MELK: variants seen among roughly 807,000 people sequenced by gnomAD.
MELK encodes the protein maternal embryonic leucine zipper kinase.
Under a neutral mutation model 85.0 loss-of-function variants are expected in MELK, and 81 were observed. The ratio of observed to expected loss-of-function variants is 0.95; its 90% CI spans 0.80 to 1.15. The LOEUF (loss-of-function observed/expected upper bound fraction) is 1.15, where lower values mean the gene tolerates loss of function less well. MELK is among the 50% of genes most tolerant of loss of function. MELK has a pLI of 0.00. For missense variants in MELK, 754 were observed against 777.5 expected (o/e 0.97, Z 0.36); for synonymous variants, 252 against 265.0 (o/e 0.95, Z 0.48).
intron 4 of MELK, among the ~76,000 whole-genome samples, 151 bp from the exon 5 acceptor site, chr9:36,594,475 TGA>T (rs1388256658): frequency 1.3e-5 from 2 of 151,982 alleles, no homozygotes; most frequent in Admixed American, 6.5e-5. Flanking sequence ...TGTTTGATCC[TGA>T]GAGTGTACTT....
intron 1 of MELK, among the ~76,000 whole-genome samples, chr9:36,579,964 C>T (rs1356560969): frequency 1.3e-5 from 2 of 149,872 alleles, no homozygotes; most frequent in African/African-American, 4.9e-5. Flanking sequence ...ATATCATATA[C>T]ATAATAAAAT....
chr9:36,669,570 A>G (rs1424553091), intron 15 of MELK, among the ~76,000 whole-genome samples, 164 bp downstream of exon 15: 1 of 152,190 alleles, frequency 6.6e-6, no homozygotes, highest in East Asian at 1.9e-4. Flanking sequence ...CTGGACCTGT[A>G]GCCACTGCCT....
chr9:36,598,751 T>C (rs972711783), intron 6 of MELK, among the ~76,000 whole-genome samples: 5 of 152,162 alleles, frequency 3.3e-5, no homozygotes, highest in Admixed American at 3.3e-4. Flanking sequence ...TACTTGGGGA[T>C]GGAAAGACGT....
At chr9:36,658,049 C>T (rs942209581) in intron 13 of MELK, among the ~76,000 whole-genome samples, 1 of 151,550 alleles carries the variant, frequency 6.6e-6, no homozygotes, top group Non-Finnish European at 1.5e-5. Context: ...CCTCAAAATT[C>T]CCTCATTCCC....
At chr9:36,669,179 C>A in intron 14 of MELK, 131 bp from the exon 15 acceptor site, 1 of 461,104 alleles carries the variant, frequency 2.2e-6, no homozygotes, top group Non-Finnish European at 3.7e-6. Context: ...GAGCCTTCGA[C>A]ATCACAGGTC....
intron 8 of MELK, among the ~76,000 whole-genome samples, chr9:36,615,299 A>AC (rs1826540095): frequency 1.3e-5 from 1 of 77,152 alleles, no homozygotes; most frequent in Non-Finnish European, 2.5e-5. Flanking sequence ...CGGGGGGCTG[A>AC]TCCCCCCACC....
intron 15 of MELK, among the ~76,000 whole-genome samples, chr9:36,669,672 A>G (rs1002332732): frequency 5.9e-5 from 9 of 152,196 alleles, no homozygotes; most frequent in Non-Finnish European, 1.5e-5. Flanking sequence ...ACCCCAGCCA[A>G]CTAGTTACCT....
At chr9:36,608,509 T>TA (rs1825781463) in intron 8 of MELK, among the ~76,000 whole-genome samples, 1 of 151,992 alleles carries the variant, frequency 6.6e-6, no homozygotes, top group African/African-American at 2.4e-5. Context: ...TGGAAAGTAT[T>TA]ACCTGCTGAT....
intron 8 of MELK, among the ~76,000 whole-genome samples, chr9:36,629,745 T>C (rs1338894763): frequency 6.6e-6 from 1 of 152,170 alleles, no homozygotes; most frequent in East Asian, 1.9e-4. Flanking sequence ...TTTTCTACTG[T>C]TATGTTCTTT....
chr9:36,584,649 A>T (rs990198965), intron 3 of MELK, among the ~76,000 whole-genome samples: 3 of 150,594 alleles, frequency 2.0e-5, no homozygotes, highest in Middle Eastern at 3.2e-3. Context: ...TTATTTTCTT[A>T]TGATACTCTT....
intron 12 of MELK, among the ~76,000 whole-genome samples, chr9:36,653,437 C>A (rs1830908468): frequency 6.6e-6 from 1 of 152,282 alleles, no homozygotes; most frequent in East Asian, 1.9e-4. Context: ...TGAGTGACTG[C>A]ACCTGGCCTG....
intron 11 of MELK, among the ~76,000 whole-genome samples, chr9:36,650,625 C>T (rs1200537099): frequency 6.6e-6 from 1 of 152,156 alleles, no homozygotes; most frequent in Non-Finnish European, 1.5e-5. Flanking sequence ...ATCAGACATG[C>T]AAGATCTCAA....
intron 8 of MELK, 185 bp from the exon 9 acceptor site, chr9:36,630,114 G>C (rs1249473248): frequency 1.7e-6 from 1 of 587,458 alleles, no homozygotes; most frequent in African/African-American, 1.9e-5. Context: ...CAAAGTGCTG[G>C]GACTTCAGGT....
At chr9:36,653,791 A>G (rs1286450875) in intron 12 of MELK, among the ~76,000 whole-genome samples, 1 of 152,170 alleles carries the variant, frequency 6.6e-6, no homozygotes, top group Non-Finnish European at 1.5e-5. Flanking sequence ...CTGTAAAAAA[A>G]AAACAAAAAA....
intron 13 of MELK, among the ~76,000 whole-genome samples, chr9:36,659,204 T>C (rs533142509): frequency 6.6e-6 from 1 of 152,002 alleles, no homozygotes; most frequent in Non-Finnish European, 1.5e-5. Flanking sequence ...TTTGTAAAGA[T>C]GGGGTTTCAC....
chr9:36,595,052 G>C (rs1476037678), intron 5 of MELK, among the ~76,000 whole-genome samples: 2 of 150,576 alleles, frequency 1.3e-5, no homozygotes, highest in Non-Finnish European at 2.9e-5. Context: ...TCAGCCTTCT[G>C]AGTAGCTGAG....
intron 12 of MELK, among the ~76,000 whole-genome samples, chr9:36,652,977 C>T (rs1830861098): frequency 6.6e-6 from 1 of 151,904 alleles, no homozygotes; most frequent in African/African-American, 2.4e-5. Context: ...CTTTATATGA[C>T]ATGAAACATT....
In MELK at chr9:36,643,886, A is replaced by G. The variant is rs369082384; in HGVS notation, c.921+803A>G. The stretch of plus-strand genomic sequence containing the variant: ...GAGGCGGAGTTTGCAGTGAGCCAAG[A>G]TCACGCCACTGCACTCCAGCCTGGG... On this transcript the variant is annotated intron_variant, in intron 11 of 17. Coordinates refer to ENST00000298048, the MANE Select transcript of MELK (RefSeq NM_014791.4). Among the ~76,000 whole-genome samples, 3 of 151,182 alleles carry G rather than the reference A, an allele frequency of 2.0e-5. No homozygotes were observed. In the East Asian group the frequency reaches 5.9e-4, roughly 29 times the overall value.
At chr9:36,602,734 T>C (rs1825064911) in intron 7 of MELK, among the ~76,000 whole-genome samples, 1 of 151,822 alleles carries the variant, frequency 6.6e-6, no homozygotes, top group Non-Finnish European at 1.5e-5. Context: ...TAATTTTGTA[T>C]TTTTAGTAGA....
Sources: allele counts gnomAD v4.1 joint callset (sites outside exome capture counted in the v4.1 genomes callset), GRCh38; gene constraint gnomAD v4.1.1; transcripts MANE v1.5; gene names NCBI Gene and HGNC (gene_info 2026-07-23, HGNC 2026-07-21).